The following PCCA variants were observed in gnomAD, a reference collection of about 807,000 sequenced individuals.
The protein encoded by PCCA is propionyl-CoA carboxylase subunit alpha, also known as propionyl-CoA carboxylase alpha chain, mitochondrial.
Under a neutral mutation model 101.3 loss-of-function variants are expected in PCCA, and 74 were observed. That is an observed-to-expected ratio of 0.73 (90% CI 0.61 to 0.89). PCCA has a LOEUF of 0.89. PCCA is among the 40% of genes least tolerant of loss of function. The probability of loss-of-function intolerance (pLI) is 0.00; values close to 1 mark genes in which losing one functional copy is unlikely to be tolerated. For synonymous variants in PCCA, 294 were observed against 313.6 expected, an observed-to-expected ratio of 0.94 and a Z score of 0.66; for missense variants, 891 against 907.0, an observed-to-expected ratio of 0.98 and a Z score of 0.23.
At chr13:100,405,523 A>T (rs2077619292) in intron 19 of PCCA, among the ~76,000 whole-genome samples, 1 of 152,238 alleles carries the variant, frequency 6.6e-6, no homozygotes, top group African/African-American at 2.4e-5. Context: ...GTGGTTTGCA[A>T]AGTAGACTTT....
intron 22 of PCCA, among the ~76,000 whole-genome samples, chr13:100,517,413 A>G (rs2086918503): frequency 6.6e-6 from 1 of 152,216 alleles, no homozygotes; most frequent in African/African-American, 2.4e-5. Flanking sequence ...AAAGCAAGGC[A>G]TTTCGTAAAT....
intron 19 of PCCA, among the ~76,000 whole-genome samples, chr13:100,418,631 G>A (rs949901288): frequency 7.2e-5 from 11 of 151,916 alleles, no homozygotes; most frequent in Admixed American, 3.3e-4. Flanking sequence ...TCAGGAGTTC[G>A]AGACCAGCCT....
chr13:100,248,351 C>T (rs966948040), intron 8 of PCCA, among the ~76,000 whole-genome samples: 8 of 152,090 alleles, frequency 5.3e-5, no homozygotes, highest in Admixed American at 2.6e-4. Flanking sequence ...CCCATTCCTC[C>T]CTCCACTATG....
Position 100,209,377 on chromosome 13 carries a change from C to G in PCCA, c.514C>G (p.Gln172Glu), listed in dbSNP as rs763614846. 1.2e-6 allele frequency: 2 copies of G among 1,613,052 alleles called. No individual in the cohort carries two copies. The highest frequency in any genetic ancestry group is 4.5e-5 in the East Asian group (2 of 44,860). The change falls in exon 7 of 24, where the codon CAA (glutamine) becomes GAA (glutamate). Residue 172 changes from glutamine to glutamate, a missense_variant. By Grantham distance (29) the Gln-to-Glu change is conservative. Coordinates refer to ENST00000376285, the MANE Select transcript of PCCA (RefSeq NM_000282.4). ...VFIGPDTHAI[Q>E]AMGDKIESKL... ...CATTGGACCTGACACACATGCTATTCAAGCCATGGGCGACAAGATTGAAAG... is the reference window on the plus strand; with the variant it reads ...CATTGGACCTGACACACATGCTATTGAAGCCATGGGCGACAAGATTGAAAG...
chr13:100,201,133 TA>T (rs1055525866), intron 6 of PCCA, among the ~76,000 whole-genome samples: 45 of 151,622 alleles, frequency 3.0e-4, no homozygotes, highest in African/African-American at 9.2e-4. Context: ...CCTGTAATAT[TA>T]AAAAAAAAGT....
In PCCA at chr13:100,340,241, AT is replaced by A; in HGVS notation, c.1629del (p.Gln544LysfsTer13). ...GTGGCATTCCAGTTAAGAGCACAAC[AT>A]TTTCAAGAAAATTCAAGGTATGGTA... ...LFVAFQLRAQ[H>X]FQENSRMPVI... On this transcript the variant is annotated frameshift_variant, in exon 18 of 24. Transcript: ENST00000376285. LOFTEE classifies it high-confidence loss of function. 6.3e-7 allele frequency: 1 copy of A among 1,589,510 alleles called. No individual in the cohort carries two copies. The highest frequency in any genetic ancestry group is 8.6e-7 in the Non-Finnish European group (1 of 1,157,602).
chr13:100,472,554 G>A (rs2083100418), intron 21 of PCCA, among the ~76,000 whole-genome samples: 1 of 152,164 alleles, frequency 6.6e-6, no homozygotes. Flanking sequence ...GGGCACAGGG[G>A]AACCACCAGT....
At chr13:100,164,062 T>A (rs2054785051) in intron 6 of PCCA, among the ~76,000 whole-genome samples, 2 of 152,350 alleles carry the variant, frequency 1.3e-5, no homozygotes, top group South Asian at 2.1e-4. Context: ...TTCATCTGCA[T>A]GTATTATAAA....
intron 4 of PCCA, chr13:100,149,688 C>T (rs1023535779): frequency 1.3e-5 from 2 of 152,158 alleles, no homozygotes; most frequent in Non-Finnish European, 2.9e-5. Context: ...AAGGAAAACT[C>T]CTGTATTCTC....
At chr13:100,487,744 A>G (rs2084504876) in intron 21 of PCCA, among the ~76,000 whole-genome samples, 1 of 151,994 alleles carries the variant, frequency 6.6e-6, no homozygotes, top group African/African-American at 2.4e-5. Context: ...TTATTTTTTG[A>G]GACAGGGTCT....
chr13:100,392,584 G>A (rs2152842175), intron 19 of PCCA, among the ~76,000 whole-genome samples: 1 of 152,280 alleles, frequency 6.6e-6, no homozygotes, highest in East Asian at 1.9e-4. Context: ...GTAGCAGTGT[G>A]TTAATTTCCA....
In PCCA at chr13:100,270,501, C is replaced by T. The variant is rs533499300; in HGVS notation, c.914+1718C>T. Among the ~76,000 whole-genome samples, 4 of 152,200 alleles carry T rather than the reference C, an allele frequency of 2.6e-5. No homozygotes were observed. In the East Asian group the frequency reaches 7.7e-4, roughly 29 times the overall value. ...TAGAAATCTTTCCCAGACTGGGAAC[C>T]TTGAATCATAAAATGTGTTTGTTTT... On this transcript the variant is annotated intron_variant, in intron 11 of 23. Transcript: ENST00000376285.
At chr13:100,330,475 A>C in intron 16 of PCCA, 86 bp from the exon 17 acceptor site, 2 of 802,500 alleles carry the variant, frequency 2.5e-6, no homozygotes, top group Non-Finnish European at 2.2e-6. Context: ...AGGTCATAGA[A>C]CAGTGATGAT....
chr13:100,430,082 C>A (rs1382145254), intron 20 of PCCA, among the ~76,000 whole-genome samples: 1 of 151,962 alleles, frequency 6.6e-6, no homozygotes, highest in Non-Finnish European at 1.5e-5. Flanking sequence ...TCGAGACCAG[C>A]CTGACCAACG....
At chr13:100,337,260 T>C (rs1293082570) in intron 17 of PCCA, among the ~76,000 whole-genome samples, 1 of 152,142 alleles carries the variant, frequency 6.6e-6, no homozygotes, top group East Asian at 1.9e-4. Context: ...GGTTTACACA[T>C]TAGAAGCTGC....
chr13:100,475,124 T>A (rs2083318786), intron 21 of PCCA, among the ~76,000 whole-genome samples: 1 of 152,202 alleles, frequency 6.6e-6, no homozygotes, highest in Non-Finnish European at 1.5e-5. Flanking sequence ...CACAGCTCAT[T>A]GCAGCCTTGA....
rs542464428 is a variant in PCCA, at chr13:100,241,670, G to C, written c.637+5792G>C. ...TTTTGTAGTGGGTTTTCACCATGTT[G>C]CCTCAGTTGATCTTGAATTCCTGGG... On this transcript the variant is annotated intron_variant, in intron 8 of 23. Transcript: ENST00000376285. Among the ~76,000 whole-genome samples the C allele has an allele frequency of 6.8e-4, 104 of 152,092 alleles. 1 individual carries two copies. Among genetic ancestry groups the C allele is most frequent in the African/African-American group, 2.3e-3 (96 of 41,496 alleles).
chr13:100,111,315 C>T (rs2048300393), intron 2 of PCCA, among the ~76,000 whole-genome samples: 1 of 150,162 alleles, frequency 6.7e-6, no homozygotes, highest in Non-Finnish European at 1.5e-5. Flanking sequence ...CAGGCGTGAG[C>T]CACCGTGCCC....
At chr13:100,309,607 CT>C (rs1411938333) in intron 15 of PCCA, among the ~76,000 whole-genome samples, 1 of 152,032 alleles carries the variant, frequency 6.6e-6, no homozygotes, top group East Asian at 1.9e-4. Flanking sequence ...TAAAATCACT[CT>C]TTACTATGAT....
Sources: allele counts gnomAD v4.1 joint callset (sites outside exome capture counted in the v4.1 genomes callset), GRCh38; gene constraint gnomAD v4.1.1; transcripts MANE v1.5; gene names NCBI Gene and HGNC (gene_info 2026-07-23, HGNC 2026-07-21).